The following GRK5 variants were observed in gnomAD, a reference collection of about 807,000 sequenced individuals.
GRK5 encodes G protein-coupled receptor kinase 5.
In GRK5, 40 loss-of-function variants were observed where a neutral mutation model predicts 78.4. That is an observed-to-expected ratio of 0.51 (90% CI 0.40 to 0.66). GRK5 has a LOEUF of 0.66. Ranked by LOEUF, GRK5 falls within the 30% of genes least tolerant of loss-of-function variation. GRK5 has a pLI of 0.00. For missense variants in GRK5, 598 were observed against 759.9 expected, an observed-to-expected ratio of 0.79 and a Z score of 2.50; for synonymous variants, 289 against 296.8, an observed-to-expected ratio of 0.97 and a Z score of 0.27.
chr10:119,219,918 A>C (rs955993888), intron 1 of GRK5, among the ~76,000 whole-genome samples: 4 of 152,202 alleles, frequency 2.6e-5, no homozygotes, highest in Non-Finnish European at 5.9e-5. Flanking sequence ...TTTTCACATA[A>C]CTGCTAGAAT....
At chr10:119,425,548 G>A (rs1852661929) in intron 6 of GRK5, among the ~76,000 whole-genome samples, 1 of 152,192 alleles carries the variant, frequency 6.6e-6, no homozygotes, top group Admixed American at 6.5e-5. Flanking sequence ...TCCTAGCAGA[G>A]GAATTTCTGG....
intron 8 of GRK5, among the ~76,000 whole-genome samples, chr10:119,434,841 G>T (rs746253340): frequency 6.6e-6 from 1 of 152,222 alleles, no homozygotes; most frequent in South Asian, 2.1e-4. Flanking sequence ...CTTCTGCACT[G>T]CCCTAGCAGA....
intron 2 of GRK5, among the ~76,000 whole-genome samples, chr10:119,348,697 G>A (rs753388712): frequency 1.1e-4 from 16 of 152,216 alleles, no homozygotes; most frequent in Non-Finnish European, 1.9e-4. Context: ...CTTGCTGGGC[G>A]GGCACAGCTG....
At chr10:119,392,737 GC>G (rs1340557265) in intron 3 of GRK5, among the ~76,000 whole-genome samples, 2 of 152,156 alleles carry the variant, frequency 1.3e-5, no homozygotes, top group African/African-American at 4.8e-5. Context: ...CAGCAGAGGT[GC>G]CTGTGTTTCG....
At chr10:119,425,137 T>C (rs1162966342) in intron 6 of GRK5, 52 bp downstream of exon 6, 1 of 1,293,640 alleles carries the variant, frequency 7.7e-7, no homozygotes, top group South Asian at 1.2e-5. Flanking sequence ...TACACATTTT[T>C]CATCTGAGAA....
At chr10:119,403,755 TCCCA>T (rs1589790989) in intron 4 of GRK5, among the ~76,000 whole-genome samples, 1 of 152,102 alleles carries the variant, frequency 6.6e-6, no homozygotes, top group East Asian at 1.9e-4. Flanking sequence ...TGCCACCGCC[TCCCA>T]AGTAGCTGGG....
chr10:119,337,511 G>C (rs1364276932), intron 2 of GRK5, among the ~76,000 whole-genome samples: 1 of 152,140 alleles, frequency 6.6e-6, no homozygotes, highest in East Asian at 1.9e-4. Flanking sequence ...TGGGTTTGCT[G>C]TCATTATTTG....
Position 119,452,397 on chromosome 10 carries a change from G to T in GRK5, c.1405-274G>T. The T allele has an allele frequency of 2.4e-6, 1 of 419,578 alleles. No individual in the cohort carries two copies. Among genetic ancestry groups the T allele is most frequent in the South Asian group, 3.4e-5 (1 of 29,056 alleles). The allele number at this position is 419,578 out of a possible 1,614,324, so 26.0% of individuals were successfully genotyped here. The stretch of plus-strand genomic sequence containing the variant: ...CAGCCAGGGTCCCCGTCATGGATCT[G>T]AGAGAGGGCTGCACTGTCATCTGGA... On this transcript the variant is annotated intron_variant, in intron 13 of 15. Coordinates refer to ENST00000392870, the MANE Select transcript of GRK5 (RefSeq NM_005308.3). This position sits in a 1 kb window ranked among gnomAD's most constrained non-coding sequence, Gnocchi z 4.4.
At chr10:119,261,884 C>CCA in intron 1 of GRK5, among the ~76,000 whole-genome samples, 2 of 151,800 alleles carry the variant, frequency 1.3e-5, no homozygotes, top group Admixed American at 1.3e-4. Context: ...GAGAGGGAGA[C>CCA]TGTGGAAAGA....
At chr10:119,395,905 C>T (rs1478985188) in intron 3 of GRK5, among the ~76,000 whole-genome samples, 2 of 152,178 alleles carry the variant, frequency 1.3e-5, no homozygotes, top group African/African-American at 4.8e-5. Context: ...TCTCCACCTA[C>T]AGACGAGGGG....
At chr10:119,415,945 C>T (rs772662383) in intron 4 of GRK5, among the ~76,000 whole-genome samples, 11 of 152,188 alleles carry the variant, frequency 7.2e-5, no homozygotes, top group South Asian at 2.1e-4. Flanking sequence ...CCACCTCCTC[C>T]GCCGTCTCAC....
At chr10:119,351,495 C>T (rs989211529) in intron 2 of GRK5, among the ~76,000 whole-genome samples, 10 of 152,054 alleles carry the variant, frequency 6.6e-5, no homozygotes, top group African/African-American at 2.2e-4. Flanking sequence ...TCTCTCTTGC[C>T]GGCCGCCATG....
chr10:119,321,059 G>A (rs144234348), intron 1 of GRK5, among the ~76,000 whole-genome samples: 8 of 152,360 alleles, frequency 5.3e-5, no homozygotes, highest in South Asian at 2.1e-4. Flanking sequence ...TCACAACCCC[G>A]CAGCAGCTTG....
intron 2 of GRK5, among the ~76,000 whole-genome samples, chr10:119,349,038 C>T (rs1380389519): frequency 6.6e-6 from 1 of 152,168 alleles, no homozygotes; most frequent in Non-Finnish European, 1.5e-5. Flanking sequence ...CTCCGCCCTC[C>T]TCCCACCCAC....
chr10:119,213,832 G>A (rs1449048912), intron 1 of GRK5, among the ~76,000 whole-genome samples: 3 of 152,160 alleles, frequency 2.0e-5, no homozygotes, highest in African/African-American at 7.2e-5. Context: ...TCTTACAAGA[G>A]TAAAATTTAT....
At chr10:119,391,797 T>C (rs950025007) in intron 3 of GRK5, among the ~76,000 whole-genome samples, 13 of 152,144 alleles carry the variant, frequency 8.5e-5, no homozygotes, top group Non-Finnish European at 1.6e-4. Context: ...GCGGGGTGCA[T>C]GGTGAGCATT....
chr10:119,234,676 CTTTT>C (rs1848889920), intron 1 of GRK5, among the ~76,000 whole-genome samples: 1 of 146,604 alleles, frequency 6.8e-6, no homozygotes, highest in African/African-American at 2.5e-5. Context: ...TTTTTCTTTT[CTTTT>C]CTTTCTTCTT....
intron 2 of GRK5, among the ~76,000 whole-genome samples, chr10:119,357,540 G>A (rs904879688): frequency 6.6e-6 from 1 of 152,178 alleles, no homozygotes. Context: ...GGAGTGGAGT[G>A]GGGGAAGCAT....
At chr10:119,283,724 G>T (rs985629365) in intron 1 of GRK5, among the ~76,000 whole-genome samples, 1 of 152,190 alleles carries the variant, frequency 6.6e-6, no homozygotes, top group Admixed American at 6.5e-5. Context: ...TCACCCTGCA[G>T]ATGGGACCAT....
Sources: allele counts gnomAD v4.1 joint callset (sites outside exome capture counted in the v4.1 genomes callset), GRCh38; gene constraint gnomAD v4.1.1; non-coding constraint Gnocchi (gnomAD v3.1); transcripts MANE v1.5; gene names NCBI Gene and HGNC (gene_info 2026-07-23, HGNC 2026-07-21).